The following PPM1E variants were observed in gnomAD, a reference collection of about 807,000 sequenced individuals.
PPM1E encodes protein phosphatase 1E.
A neutral mutation model predicts 65.9 loss-of-function variants in PPM1E; 20 were observed. The ratio of observed to expected loss-of-function variants is 0.30; its 90% CI spans 0.21 to 0.44. The LOEUF (loss-of-function observed/expected upper bound fraction) is 0.44, where lower values mean the gene tolerates loss of function less well. PPM1E is among the 20% of genes least tolerant of loss of function. PPM1E has a pLI of 1.00. For missense variants in PPM1E, 713 were observed against 953.1 expected (o/e 0.75, Z 3.32); for synonymous variants, 352 against 374.9 (o/e 0.94, Z 0.70).
chr17:58,849,436 G>A (rs1033350067), intron 1 of PPM1E, among the ~76,000 whole-genome samples: 2 of 152,122 alleles, frequency 1.3e-5, no homozygotes, highest in African/African-American at 4.8e-5. Context: ...TCTATACACT[G>A]CTTTAAATGT....
chr17:58,811,762 C>G (rs778224158), intron 1 of PPM1E, among the ~76,000 whole-genome samples: 2 of 152,058 alleles, frequency 1.3e-5, no homozygotes, highest in Non-Finnish European at 2.9e-5. Context: ...CCTCCACCTC[C>G]CGGGGTCAAG....
intron 1 of PPM1E, among the ~76,000 whole-genome samples, chr17:58,879,027 T>G (rs1288944519): frequency 6.6e-6 from 1 of 152,146 alleles, no homozygotes; most frequent in East Asian, 1.9e-4. Context: ...TCAGGACTTT[T>G]GCTAGAGATG....
chr17:58,891,728 T>C (rs1159939749), intron 1 of PPM1E, among the ~76,000 whole-genome samples: 2 of 152,184 alleles, frequency 1.3e-5, no homozygotes, highest in Admixed American at 1.3e-4. Flanking sequence ...ATCTCTATTT[T>C]TGTTGGTTCT....
intron 1 of PPM1E, among the ~76,000 whole-genome samples, chr17:58,885,362 T>C (rs2143408774): frequency 6.6e-6 from 1 of 152,324 alleles, no homozygotes; most frequent in African/African-American, 2.4e-5. Flanking sequence ...CAGCCAACAA[T>C]CTTATTTTAA....
At chr17:58,909,250 G>A (rs77882360) in intron 1 of PPM1E, among the ~76,000 whole-genome samples, 90 of 151,746 alleles carry the variant, frequency 5.9e-4, no homozygotes, top group African/African-American at 1.8e-3. Context: ...CCCCACTGCC[G>A]CTCACCACCC....
chr17:58,798,445 G>A (rs533733399), intron 1 of PPM1E, among the ~76,000 whole-genome samples: 18 of 150,050 alleles, frequency 1.2e-4, no homozygotes, highest in African/African-American at 3.4e-4. Context: ...GACTGGTCTC[G>A]AACTTCTGAC....
intron 1 of PPM1E, among the ~76,000 whole-genome samples, chr17:58,950,252 C>G (rs1435826341): frequency 6.6e-6 from 1 of 152,192 alleles, no homozygotes; most frequent in Non-Finnish European, 1.5e-5. Context: ...ATCCAAGCTA[C>G]TCAGGAGGCT....
At chr17:58,962,927 AT>A (rs991418856) in intron 2 of PPM1E, among the ~76,000 whole-genome samples, 3 of 151,448 alleles carry the variant, frequency 2.0e-5, no homozygotes, top group Non-Finnish European at 2.9e-5. Flanking sequence ...AACAAAAAAA[AT>A]TTTTTTTTAA....
intron 1 of PPM1E, among the ~76,000 whole-genome samples, chr17:58,892,635 C>T (rs1355599383): frequency 1.3e-5 from 2 of 152,074 alleles, no homozygotes; most frequent in Admixed American, 1.3e-4. Context: ...CTGCAGAGGA[C>T]ACTGTCAGGA....
intron 2 of PPM1E, among the ~76,000 whole-genome samples, chr17:58,965,040 C>T (rs1038989422): frequency 1.2e-4 from 15 of 120,758 alleles, no homozygotes; most frequent in Non-Finnish European, 2.6e-4. Flanking sequence ...AGCGAAACTC[C>T]GTCTTAATTA....
intron 1 of PPM1E, among the ~76,000 whole-genome samples, chr17:58,909,385 T>C (rs925179687): frequency 6.6e-6 from 1 of 152,110 alleles, no homozygotes; most frequent in Non-Finnish European, 1.5e-5. Flanking sequence ...GCCTCCTTAG[T>C]AGCTAGGACT....
intron 1 of PPM1E, among the ~76,000 whole-genome samples, chr17:58,860,650 A>T (rs1031500217): frequency 1.3e-5 from 2 of 152,244 alleles, no homozygotes; most frequent in African/African-American, 4.8e-5. Flanking sequence ...TAAAGCTAAC[A>T]TACTCGCTTT....
intron 1 of PPM1E, among the ~76,000 whole-genome samples, chr17:58,790,814 T>C (rs1361392908): frequency 6.6e-6 from 1 of 152,172 alleles, no homozygotes; most frequent in Non-Finnish European, 1.5e-5. Context: ...CCCCCTACTG[T>C]CTTACTGCAT....
Position 58,816,766 on chromosome 17 carries a change from ATATATATATATATATATATATATATATAT to A in PPM1E, c.464+60307_464+60335del, listed in dbSNP as rs1429171391. Among the ~76,000 whole-genome samples the A allele has an allele frequency of 1.9e-3, 50 of 25,954 alleles. 1 individual carries two copies. Among genetic ancestry groups the A allele is most frequent in the African/African-American group, 3.0e-3 (27 of 8,942 alleles). The allele number at this position is 25,954 out of a possible 152,430, so 17.0% of individuals were successfully genotyped here. A position where few individuals can be genotyped will look rare whatever the true frequency, so the allele number is the denominator to read the frequency against. On this transcript the variant is annotated intron_variant, in intron 1 of 6. Coordinates refer to ENST00000308249, the MANE Select transcript of PPM1E (RefSeq NM_014906.5). ...AATATATATATATATATATATATAT[ATATATATATATATATATATATATATATAT>A]TTTTTTTTTTTTTTTTTTGAGACAG... is the stretch of plus-strand genomic sequence containing the variant.
At chr17:58,789,760 AT>A (rs2050138691) in intron 1 of PPM1E, among the ~76,000 whole-genome samples, 4 of 151,570 alleles carry the variant, frequency 2.6e-5, no homozygotes, top group South Asian at 2.1e-4. Flanking sequence ...ATATATATAT[AT>A]AAAATGCAAA....
intron 1 of PPM1E, among the ~76,000 whole-genome samples, chr17:58,907,528 A>G (rs1194103370): frequency 1.3e-5 from 2 of 152,168 alleles, no homozygotes; most frequent in African/African-American, 4.8e-5. Flanking sequence ...TGTTGAGTTC[A>G]ACTATGTCCT....
intron 2 of PPM1E, among the ~76,000 whole-genome samples, chr17:58,965,186 C>G (rs2030184394): frequency 6.6e-6 from 1 of 151,960 alleles, no homozygotes; most frequent in Admixed American, 6.6e-5. Context: ...AAATGGTAAG[C>G]AACGTAAACC....
intron 1 of PPM1E, among the ~76,000 whole-genome samples, chr17:58,821,114 T>C (rs1432224837): frequency 6.6e-6 from 1 of 151,904 alleles, no homozygotes. Context: ...TTTGTTTGTT[T>C]GTTTTTGGTT....
chr17:58,853,321 T>C (rs1048583251), intron 1 of PPM1E, among the ~76,000 whole-genome samples: 9 of 152,194 alleles, frequency 5.9e-5, no homozygotes, highest in African/African-American at 2.2e-4. Context: ...ATTCTTTTGC[T>C]TGTGGATATC....
Sources: gnomAD v4.1 joint callset for allele counts (sites outside exome capture counted in the v4.1 genomes callset) on GRCh38, gnomAD v4.1.1 for gene constraint, MANE v1.5 for transcripts, NCBI Gene and HGNC (gene_info 2026-07-23, HGNC 2026-07-21) for gene names.